Variants in ARHGEF10L observed in about 807,000 individuals in gnomAD.
The protein encoded by ARHGEF10L is Rho guanine nucleotide exchange factor 10 like.
ARHGEF10L carries 69 observed loss-of-function variants against 141.2 expected under a neutral mutation model. The ratio of observed to expected loss-of-function variants is 0.49; its 90% CI spans 0.40 to 0.60. The LOEUF (loss-of-function observed/expected upper bound fraction) is 0.60, where lower values mean the gene tolerates loss of function less well. Ranked by LOEUF, ARHGEF10L falls within the 20% of genes least tolerant of loss-of-function variation. The pLI, the probability that ARHGEF10L is intolerant of heterozygous loss-of-function variation, is 0.00. For synonymous variants in ARHGEF10L, 711 were observed against 718.5 expected, an observed-to-expected ratio of 0.99 and a Z score of 0.17; for missense variants, 1,482 against 1,734.3, an observed-to-expected ratio of 0.85 and a Z score of 2.58.
intron 4 of ARHGEF10L, among the ~76,000 whole-genome samples, chr1:17,601,060 A>AC (rs1557788891): frequency 4.1e-4 from 59 of 144,570 alleles, no homozygotes; most frequent in African/African-American, 1.6e-3. Flanking sequence ...AAAAAAAAAA[A>AC]AAAAAAAACA....
Position 17,588,463 on chromosome 1 carries a change from G to A in ARHGEF10L, c.241G>A (p.Ala81Thr). 1 of 1,614,016 alleles carries A rather than the reference G, an allele frequency of 6.2e-7. No individual in the cohort carries two copies. The highest frequency in any genetic ancestry group is 8.5e-7 in the Non-Finnish European group (1 of 1,179,960). Residue 81 changes from alanine to threonine, a missense_variant, in exon 4 of 29, where the codon GCT (alanine) becomes ACT (threonine). By Grantham distance (58) the Ala-to-Thr change is moderately conservative. Coordinates refer to ENST00000361221, the MANE Select transcript of ARHGEF10L (RefSeq NM_018125.4). ...TTTTGCAGACCCAGACCCAGCAGCT[G>A]CTCCACCCGGCACAGGGTAAGTGAA... Reference protein sequence around the residue: ...IPVTDPDPAAAPPGTGVPAWV... With the variant: ...IPVTDPDPAATPPGTGVPAWV...
intron 27 of ARHGEF10L, among the ~76,000 whole-genome samples, chr1:17,693,008 T>C (rs2065220181): frequency 1.3e-5 from 2 of 152,180 alleles, no homozygotes; most frequent in South Asian, 4.1e-4. Context: ...GAGGGAGGCC[T>C]GAAGACCCGG....
At chr1:17,568,248 C>T (rs902307293) in intron 1 of ARHGEF10L, among the ~76,000 whole-genome samples, 2 of 152,216 alleles carry the variant, frequency 1.3e-5, no homozygotes, top group African/African-American at 4.8e-5. Context: ...TTATTGAGCA[C>T]TTACTGTGTT....
At chr1:17,658,053 A>T (rs1364224659) in intron 25 of ARHGEF10L, among the ~76,000 whole-genome samples, 1 of 152,210 alleles carries the variant, frequency 6.6e-6, no homozygotes, top group African/African-American at 2.4e-5. Context: ...GGCACTAGGG[A>T]AGGGCCTTAC....
intron 14 of ARHGEF10L, among the ~76,000 whole-genome samples, chr1:17,626,328 C>T (rs1446081345): frequency 2.0e-5 from 3 of 152,138 alleles, no homozygotes; most frequent in African/African-American, 7.2e-5. Flanking sequence ...AATCCCGGGA[C>T]CCGCAGGGCT....
the ARHGEF10L span, among the ~76,000 whole-genome samples, chr1:17,528,352 C>T: frequency 6.6e-6 from 1 of 151,968 alleles, no homozygotes; most frequent in African/African-American, 2.4e-5. Flanking sequence ...GTAGCTGGGA[C>T]CACAGGCATA....
At chr1:17,692,753 A>T (rs1327170466) in intron 27 of ARHGEF10L, among the ~76,000 whole-genome samples, 1 of 152,076 alleles carries the variant, frequency 6.6e-6, no homozygotes, top group African/African-American at 2.4e-5. Context: ...GTAGCTTTTC[A>T]CTGCAGCCAG....
At chr1:17,602,024 A>G in intron 4 of ARHGEF10L, 103 bp from the exon 5 acceptor site, 1 of 1,082,068 alleles carries the variant, frequency 9.2e-7, no homozygotes, top group Non-Finnish European at 1.3e-6. Flanking sequence ...CCTGGCCCTC[A>G]GCCCACTTTT....
intron 4 of ARHGEF10L, among the ~76,000 whole-genome samples, chr1:17,592,031 A>T (rs541431213): frequency 6.6e-6 from 1 of 152,298 alleles, no homozygotes; most frequent in African/African-American, 2.4e-5. Context: ...ACTGAGGCCC[A>T]CAGGGTTTGC....
the ARHGEF10L span, among the ~76,000 whole-genome samples, chr1:17,513,934 C>G: frequency 2.6e-5 from 4 of 151,996 alleles, no homozygotes; most frequent in African/African-American, 7.3e-5. Flanking sequence ...AAGCGATTCT[C>G]CGGCCTCAGG....
the ARHGEF10L span, among the ~76,000 whole-genome samples, chr1:17,530,672 T>TGCTTACCTTTCC: frequency 3.9e-5 from 6 of 152,158 alleles, no homozygotes; most frequent in Non-Finnish European, 8.8e-5. Flanking sequence ...TCAGGCAGGC[T>TGCTTACCTTTCC]GCTTACCTTT....
chr1:17,668,276 C>T (rs913585346), intron 26 of ARHGEF10L, among the ~76,000 whole-genome samples: 41 of 152,342 alleles, frequency 2.7e-4, no homozygotes, highest in African/African-American at 8.7e-4. Flanking sequence ...GGCATCGAGC[C>T]CACACTGCAG....
the ARHGEF10L span, among the ~76,000 whole-genome samples, chr1:17,526,542 G>A: frequency 6.6e-6 from 1 of 152,300 alleles, no homozygotes; most frequent in African/African-American, 2.4e-5. Flanking sequence ...CTGGTGCACA[G>A]CAAATGCTCA....
chr1:17,532,180 C>T, the ARHGEF10L span, among the ~76,000 whole-genome samples: 5 of 152,158 alleles, frequency 3.3e-5, no homozygotes, highest in Admixed American at 2.0e-4. Context: ...CAGCAGCCAC[C>T]GACACATCCC....
chr1:17,587,764 G>A, intron 3 of ARHGEF10L, 119 bp downstream of exon 3: 1 of 1,181,976 alleles, frequency 8.5e-7, no homozygotes, highest in African/African-American at 1.5e-5. Flanking sequence ...AAAGCAGGAA[G>A]GGAAAAGCCA....
chr1:17,633,653 C>T (rs1280926324), intron 16 of ARHGEF10L, among the ~76,000 whole-genome samples: 2 of 152,128 alleles, frequency 1.3e-5, no homozygotes, highest in East Asian at 1.9e-4. Context: ...TGCCCCACCT[C>T]GACACCACTT....
chr1:17,599,181 C>T (rs1421670718), intron 4 of ARHGEF10L, among the ~76,000 whole-genome samples: 1 of 151,986 alleles, frequency 6.6e-6, no homozygotes, highest in Non-Finnish European at 1.5e-5. Context: ...ACTAAAAATA[C>T]AAAAATTAGG....
At chr1:17,534,306 T>A in the ARHGEF10L span, among the ~76,000 whole-genome samples, 1 of 152,118 alleles carries the variant, frequency 6.6e-6, no homozygotes, top group Non-Finnish European at 1.5e-5. Context: ...GTATTTTTAG[T>A]AGAGACGGGG....
intron 1 of ARHGEF10L, among the ~76,000 whole-genome samples, chr1:17,557,624 A>G (rs570981555): frequency 1.0e-3 from 152 of 152,316 alleles, no homozygotes; most frequent in African/African-American, 3.4e-3. Flanking sequence ...CCCATGTTTG[A>G]AAAGCTTCTC....
Sources: gnomAD v4.1 joint callset for allele counts (sites outside exome capture counted in the v4.1 genomes callset) on GRCh38, gnomAD v4.1.1 for gene constraint, MANE v1.5 for transcripts, NCBI Gene and HGNC (gene_info 2026-07-23, HGNC 2026-07-21) for gene names.